The following MTUS2 variants were observed in gnomAD, a reference collection of about 807,000 sequenced individuals.
MTUS2 encodes the protein microtubule associated scaffold protein 2.
Under a neutral mutation model 114.1 loss-of-function variants are expected in MTUS2, and 40 were observed. The observed-to-expected ratio is 0.35, with a 90% confidence interval of 0.27 to 0.46. The LOEUF (loss-of-function observed/expected upper bound fraction) is 0.46. MTUS2 is among the 20% of genes least tolerant of loss of function. The pLI is 1.00. For synonymous variants in MTUS2, 688 were observed against 672.0 expected (o/e 1.02, Z -0.37); for missense variants, 1,679 against 1,705.4 (o/e 0.98, Z 0.27).
intron 2 of MTUS2, among the ~76,000 whole-genome samples, chr13:29,014,661 G>T (rs779836533): frequency 3.3e-5 from 5 of 152,266 alleles, no homozygotes; most frequent in Middle Eastern, 3.4e-3. Flanking sequence ...ATGTTAGAGT[G>T]GGGGGAGTCA....
At chr13:29,104,025 C>A (rs937167915) in intron 5 of MTUS2, among the ~76,000 whole-genome samples, 1 of 152,114 alleles carries the variant, frequency 6.6e-6, no homozygotes, top group African/African-American at 2.4e-5. Context: ...ACGGGAGCCC[C>A]ATGCATCCCC....
chr13:29,290,875 G>A lies in MTUS2; in HGVS notation c.2806+9010G>A, dbSNP rs150494637. On this transcript the variant is annotated intron_variant, in intron 6 of 15. Coordinates refer to ENST00000612955, the MANE Select transcript of MTUS2 (RefSeq NM_001033602.4). ...CCCAAATCCTTAGCACCAACAATGG[G>A]CCCAGCACAAAGCAGGCTCTCAACA... Among the ~76,000 whole-genome samples the A allele has an allele frequency of 8.7e-3, 1,327 of 152,250 alleles. 12 individuals carry two copies. Among genetic ancestry groups the A allele is most frequent in the Non-Finnish European group, 0.014 (979 of 68,026 alleles).
chr13:29,476,016 C>T (rs144199424), intron 9 of MTUS2, among the ~76,000 whole-genome samples: 23 of 152,270 alleles, frequency 1.5e-4, no homozygotes, highest in African/African-American at 5.3e-4. Context: ...TGGTAAGTAC[C>T]CCGTGCAGGT....
intron 4 of MTUS2, among the ~76,000 whole-genome samples, chr13:29,098,840 T>G (rs1890289914): frequency 6.6e-6 from 1 of 152,200 alleles, no homozygotes; most frequent in East Asian, 1.9e-4. Flanking sequence ...CAAAATATAG[T>G]TTGTTTTTCA....
chr13:28,890,364 A>T (rs1685489257), intron 2 of MTUS2, among the ~76,000 whole-genome samples: 1 of 152,166 alleles, frequency 6.6e-6, no homozygotes, highest in African/African-American at 2.4e-5. Context: ...TGGATTTGAT[A>T]ATGTTGCAGC....
chr13:29,001,757 T>G (rs779692537), intron 2 of MTUS2, among the ~76,000 whole-genome samples: 1 of 152,160 alleles, frequency 6.6e-6, no homozygotes, highest in Non-Finnish European at 1.5e-5. Context: ...GATATTGAGT[T>G]GGAGAGATTA....
At chr13:29,150,522 T>C (rs1160066739) in intron 5 of MTUS2, among the ~76,000 whole-genome samples, 1 of 152,238 alleles carries the variant, frequency 6.6e-6, no homozygotes, top group Non-Finnish European at 1.5e-5. Flanking sequence ...TTCTTTGCTG[T>C]GCAGAAGCTC....
chr13:29,331,020 T>G (rs1044598638), intron 7 of MTUS2, among the ~76,000 whole-genome samples: 1 of 152,160 alleles, frequency 6.6e-6, no homozygotes, highest in Admixed American at 6.5e-5. Flanking sequence ...TATGAATTAC[T>G]TTGGGCAGTA....
intron 7 of MTUS2, among the ~76,000 whole-genome samples, chr13:29,328,590 A>G (rs1186990688): frequency 6.6e-6 from 1 of 152,226 alleles, no homozygotes; most frequent in Non-Finnish European, 1.5e-5. Flanking sequence ...GGTTCTTAGT[A>G]TGTAAATGAA....
At chr13:29,360,697 C>CA (rs1203974153) in intron 8 of MTUS2, among the ~76,000 whole-genome samples, 19 of 140,314 alleles carry the variant, frequency 1.4e-4, no homozygotes, top group Admixed American at 9.3e-4. Flanking sequence ...CACCCCCCCC[C>CA]CCCCGTAAGA....
At chr13:29,232,157 G>A (rs12429003) in intron 5 of MTUS2, among the ~76,000 whole-genome samples, 125,413 of 152,014 alleles carry the variant, frequency 0.83, 51,772 homozygotes, top group East Asian at 0.89. Context: ...CAGATCTTCT[G>A]CTTTTATTAA....
intron 5 of MTUS2, among the ~76,000 whole-genome samples, chr13:29,223,047 G>A (rs1378694935): frequency 6.6e-6 from 1 of 152,200 alleles, no homozygotes; most frequent in Non-Finnish European, 1.5e-5. Context: ...GGACACTGTG[G>A]GCACCATGGA....
chr13:29,313,883 G>A (rs1899877480), intron 6 of MTUS2, among the ~76,000 whole-genome samples: 2 of 152,100 alleles, frequency 1.3e-5, no homozygotes, highest in Non-Finnish European at 2.9e-5. Flanking sequence ...TAGCAACCCT[G>A]GAAGTTAAAA....
chr13:29,006,985 C>A (rs1885630003), intron 2 of MTUS2, among the ~76,000 whole-genome samples: 1 of 152,158 alleles, frequency 6.6e-6, no homozygotes, highest in Admixed American at 6.5e-5. Context: ...TGTGTCTTTC[C>A]TCCCACTGAT....
intron 7 of MTUS2, among the ~76,000 whole-genome samples, chr13:29,350,152 A>G (rs1247678695): frequency 6.6e-6 from 1 of 151,916 alleles, no homozygotes; most frequent in East Asian, 1.9e-4. Flanking sequence ...AATAACATTT[A>G]TTTACTAACT....
chr13:29,106,956 A>G (rs1483089836), intron 5 of MTUS2, among the ~76,000 whole-genome samples: 3 of 152,108 alleles, frequency 2.0e-5, no homozygotes, highest in Non-Finnish European at 4.4e-5. Flanking sequence ...AAATGTGAGT[A>G]ACAAAAATGT....
chr13:28,900,296 C>CTGTGTGTG (rs759551772), intron 2 of MTUS2, among the ~76,000 whole-genome samples: 2 of 151,324 alleles, frequency 1.3e-5, no homozygotes, highest in African/African-American at 4.8e-5. Context: ...TTACCTGTAG[C>CTGTGTGTG]TGTGTGTGTG....
At chr13:29,094,656 C>T (rs1164532623) in intron 4 of MTUS2, among the ~76,000 whole-genome samples, 1 of 151,916 alleles carries the variant, frequency 6.6e-6, no homozygotes, top group Non-Finnish European at 1.5e-5. Flanking sequence ...GCTTTCTCTC[C>T]TGTTTTTCTA....
At chr13:28,928,911 A>G (rs1054034487) in intron 2 of MTUS2, among the ~76,000 whole-genome samples, 4 of 152,052 alleles carry the variant, frequency 2.6e-5, no homozygotes, top group African/African-American at 7.2e-5. Context: ...ATGTGTGCGT[A>G]TGTGTGTGTG....
Sources: allele counts gnomAD v4.1 joint callset (sites outside exome capture counted in the v4.1 genomes callset), GRCh38; gene constraint gnomAD v4.1.1; transcripts MANE v1.5; gene names NCBI Gene and HGNC (gene_info 2026-07-23, HGNC 2026-07-21).